Variants in ASIC2 observed in about 807,000 individuals in gnomAD.
The protein encoded by ASIC2 is acid sensing ion channel subunit 2, also known as acid-sensing ion channel 2.
Under a neutral mutation model 57.3 loss-of-function variants are expected in ASIC2, and 25 were observed. That is an observed-to-expected ratio of 0.44 (90% CI 0.32 to 0.61). The LOEUF is 0.61. Among genes scored for constraint, ASIC2 ranks in the 20% least tolerant of loss-of-function variants. The pLI, the probability that ASIC2 is intolerant of heterozygous loss-of-function variation, is 0.06. For missense variants in ASIC2, 641 were observed against 738.1 expected, an observed-to-expected ratio of 0.87 and a Z score of 1.52; for synonymous variants, 319 against 307.5, an observed-to-expected ratio of 1.04 and a Z score of -0.39.
chr17:33,291,280 C>T (rs945158614), intron 1 of ASIC2, 128 bp downstream of exon 1: 54 of 1,430,042 alleles, frequency 3.8e-5, no homozygotes, highest in Non-Finnish European at 4.6e-5. Context: ...ATGGGTTCTG[C>T]CTTGGCATCG....
intron 1 of ASIC2, among the ~76,000 whole-genome samples, chr17:33,913,422 T>C (rs1915511216): frequency 6.6e-6 from 1 of 152,192 alleles, no homozygotes; most frequent in African/African-American, 2.4e-5. Flanking sequence ...AGTTAAATTC[T>C]TCACCAAGGG....
intron 1 of ASIC2, among the ~76,000 whole-genome samples, chr17:33,374,306 T>C (rs1302424739): frequency 6.6e-6 from 1 of 152,120 alleles, no homozygotes; most frequent in Non-Finnish European, 1.5e-5. Flanking sequence ...CCAATTGGCC[T>C]TTTGATTTTT....
intron 1 of ASIC2, among the ~76,000 whole-genome samples, chr17:33,915,526 C>T (rs543986539): frequency 6.6e-6 from 1 of 152,256 alleles, no homozygotes; most frequent in Non-Finnish European, 1.5e-5. Context: ...TGACTTTTGC[C>T]CATTTCTCCT....
At chr17:34,021,327 C>T (rs1439265968) in intron 1 of ASIC2, among the ~76,000 whole-genome samples, 2 of 152,148 alleles carry the variant, frequency 1.3e-5, no homozygotes, top group East Asian at 1.9e-4. Flanking sequence ...TGCATAAGTA[C>T]TAGACTTCAA....
At chr17:33,247,545 G>A (rs1162224278) in intron 1 of ASIC2, among the ~76,000 whole-genome samples, 2 of 152,302 alleles carry the variant, frequency 1.3e-5, no homozygotes, top group East Asian at 1.9e-4. Flanking sequence ...TTTGGAGGAA[G>A]CGTTTCCAGG....
chr17:33,976,118 T>C (rs1370399936), intron 1 of ASIC2, among the ~76,000 whole-genome samples: 1 of 151,022 alleles, frequency 6.6e-6, no homozygotes, highest in Non-Finnish European at 1.5e-5. Context: ...GGTCTCCTTA[T>C]ATATTAATAC....
At chr17:33,695,394 A>G (rs1236566464) in intron 1 of ASIC2, among the ~76,000 whole-genome samples, 3 of 152,176 alleles carry the variant, frequency 2.0e-5, no homozygotes, top group African/African-American at 7.2e-5. Context: ...TGTGCAGGGG[A>G]TTGATGTATT....
At chr17:33,180,884 G>C (rs1388459305) in intron 1 of ASIC2, among the ~76,000 whole-genome samples, 2 of 152,136 alleles carry the variant, frequency 1.3e-5, no homozygotes, top group Admixed American at 6.5e-5. Context: ...AGCAAGTCTG[G>C]TTGGTTCAAT....
chr17:33,289,200 C>G (rs1905316149), intron 1 of ASIC2, among the ~76,000 whole-genome samples: 1 of 152,142 alleles, frequency 6.6e-6, no homozygotes. Context: ...GGAGGTAATA[C>G]TTTTGCTTGG....
intron 1 of ASIC2, among the ~76,000 whole-genome samples, chr17:33,892,203 G>C (rs955561023): frequency 1.3e-5 from 2 of 152,168 alleles, no homozygotes; most frequent in Non-Finnish European, 1.5e-5. Flanking sequence ...AATAAATAAT[G>C]TAATTTCACA....
At chr17:33,866,170 T>C (rs1236864272) in intron 1 of ASIC2, among the ~76,000 whole-genome samples, 1 of 152,236 alleles carries the variant, frequency 6.6e-6, no homozygotes, top group Non-Finnish European at 1.5e-5. Flanking sequence ...TTAGGTTGTC[T>C]ACAGTTTTGA....
chr17:33,542,782 T>C (rs1456611522), intron 1 of ASIC2, among the ~76,000 whole-genome samples: 4 of 140,768 alleles, frequency 2.8e-5, no homozygotes, highest in Admixed American at 7.2e-5. Context: ...TGTCTTTTGT[T>C]GCCATTGCTT....
intron 1 of ASIC2, among the ~76,000 whole-genome samples, chr17:33,705,354 G>T (rs954850090): frequency 6.6e-6 from 1 of 151,980 alleles, no homozygotes; most frequent in African/African-American, 2.4e-5. Context: ...AATGTTTGTG[G>T]TTGGCTTAGC....
chr17:33,617,752 G>A (rs1165826999), intron 1 of ASIC2, among the ~76,000 whole-genome samples: 3 of 152,148 alleles, frequency 2.0e-5, no homozygotes, highest in Non-Finnish European at 4.4e-5. Flanking sequence ...TAAGTTCCTG[G>A]GTTTCAATTC....
chr17:33,628,233 T>C (rs1368197037), intron 1 of ASIC2, among the ~76,000 whole-genome samples: 1 of 152,106 alleles, frequency 6.6e-6, no homozygotes, highest in East Asian at 1.9e-4. Context: ...TCCAAGTTCT[T>C]TCTGATTTGC....
intron 1 of ASIC2, among the ~76,000 whole-genome samples, chr17:33,858,168 T>C (rs929838693): frequency 1.3e-5 from 2 of 152,216 alleles, no homozygotes; most frequent in African/African-American, 4.8e-5. Flanking sequence ...CTCTACCCTG[T>C]TTCTGCCTCG....
chr17:34,042,743 T>C (rs1236823967), intron 1 of ASIC2, among the ~76,000 whole-genome samples: 1 of 152,258 alleles, frequency 6.6e-6, no homozygotes, highest in Non-Finnish European at 1.5e-5. Context: ...GTACTTTTTA[T>C]TGCTTTTTAG....
chr17:33,946,476 A>G (rs1379602249), intron 1 of ASIC2, among the ~76,000 whole-genome samples: 1 of 152,234 alleles, frequency 6.6e-6, no homozygotes. Flanking sequence ...ATGGTCATCA[A>G]GACTTAGTCA....
rs530322491 is a variant in ASIC2 at position 33,999,819 on chromosome 17, T to C, written c.555+156159A>G. 4.6e-5 allele frequency among the ~76,000 whole-genome samples: 7 copies of C among 152,284 alleles called. No individual in the cohort carries two copies. The South Asian group carries it at 1.5e-3, about 32-fold the overall frequency. On this transcript the variant is annotated intron_variant, in intron 1 of 9. Transcript: ENST00000359872. Reference sequence around the variant, plus strand: ...ACACCACCATTACAGTATTAAAACATTCAGGATTTAGCTATATTTTTACCT... The same window carrying C: ...ACACCACCATTACAGTATTAAAACACTCAGGATTTAGCTATATTTTTACCT...
Sources: gnomAD v4.1 joint callset for allele counts (sites outside exome capture counted in the v4.1 genomes callset) on GRCh38, gnomAD v4.1.1 for gene constraint, MANE v1.5 for transcripts, NCBI Gene and HGNC (gene_info 2026-07-23, HGNC 2026-07-21) for gene names.